Variants in WDR70 observed in about 807,000 individuals in gnomAD.
WDR70 encodes WD repeat-containing protein 70.
In WDR70, 53 loss-of-function variants were observed where a neutral mutation model predicts 88.6. The observed-to-expected ratio is 0.60, with a 90% CI of 0.48 to 0.75. The LOEUF is 0.75. Among genes scored for constraint, WDR70 ranks in the 30% least tolerant of loss-of-function variants. WDR70 has a pLI of 0.00. For missense variants in WDR70, 610 were observed against 823.2 expected (o/e 0.74, Z 3.17); for synonymous variants, 280 against 270.0 (o/e 1.04, Z -0.36).
intron 5 of WDR70, among the ~76,000 whole-genome samples, chr5:37,407,251 A>G (rs1310889492): frequency 6.6e-6 from 1 of 152,128 alleles, no homozygotes; most frequent in African/African-American, 2.4e-5. Flanking sequence ...AGGCCGGTGT[A>G]GTGTTTACAC....
intron 17 of WDR70, among the ~76,000 whole-genome samples, chr5:37,732,535 C>G (rs1249837666): frequency 2.0e-5 from 3 of 151,916 alleles, no homozygotes; most frequent in Non-Finnish European, 4.4e-5. Context: ...TTTATCTTTG[C>G]CAATCTGATA....
At position 37,448,843 on chromosome 5, in the gene WDR70, A is replaced by G. The variant is rs190436072; in HGVS notation, c.686+5471A>G. ...CAGTCTTTCATTGTTTTTCATGACCATGACAGTTTTGAGGGGTATTGGTCG... is the reference window on the plus strand; with the variant it reads ...CAGTCTTTCATTGTTTTTCATGACCGTGACAGTTTTGAGGGGTATTGGTCG... On this transcript the variant is annotated intron_variant, in intron 7 of 17. Transcript: ENST00000265107. Among the ~76,000 whole-genome samples, 172 of 152,234 alleles carry G rather than the reference A, an allele frequency of 1.1e-3. 1 individual carries two copies. Among genetic ancestry groups the G allele is most frequent in the African/African-American group, 4.0e-3 (166 of 41,538 alleles).
At chr5:37,422,835 C>T (rs1489957520) in intron 5 of WDR70, among the ~76,000 whole-genome samples, 1 of 151,952 alleles carries the variant, frequency 6.6e-6, no homozygotes, top group Non-Finnish European at 1.5e-5. Context: ...CCATGTTGCT[C>T]AGGCTGGTCT....
chr5:37,704,902 A>G (rs376212438), intron 13 of WDR70, among the ~76,000 whole-genome samples: 24 of 151,576 alleles, frequency 1.6e-4, no homozygotes, highest in African/African-American at 5.8e-4. Context: ...TTTTTAAAGC[A>G]GAGGAAGACA....
chr5:37,557,799 C>T (rs1436502102), intron 9 of WDR70, among the ~76,000 whole-genome samples: 1 of 98,372 alleles, frequency 1.0e-5, no homozygotes, highest in Non-Finnish European at 2.2e-5. Context: ...CTAATCCATA[C>T]ATCAGGTAAT....
intron 13 of WDR70, among the ~76,000 whole-genome samples, chr5:37,706,489 G>A (rs111822615): frequency 0.016 from 2,380 of 152,230 alleles, 47 homozygotes; most frequent in Non-Finnish European, 0.02. Flanking sequence ...CTGTTCTTGT[G>A]ATAGTGAATA....
At chr5:37,585,751 G>T (rs1297323004) in intron 9 of WDR70, among the ~76,000 whole-genome samples, 1 of 152,138 alleles carries the variant, frequency 6.6e-6, no homozygotes, top group Non-Finnish European at 1.5e-5. Flanking sequence ...TGGAGCGTCA[G>T]TCTAGGCTGA....
Position 37,457,841 on chromosome 5 carries a change from G to A in WDR70, c.686+14469G>A, listed in dbSNP as rs1044215213. ...AGAATGATTTTTACAGTTTTAAAGGGTTGTGAACTTCCAACACTATGTTGA... is the reference window on the plus strand; with the variant it reads ...AGAATGATTTTTACAGTTTTAAAGGATTGTGAACTTCCAACACTATGTTGA... On this transcript the variant is annotated intron_variant, in intron 7 of 17. Transcript: ENST00000265107. Among the ~76,000 whole-genome samples, 4 of 152,228 alleles carry A rather than the reference G, an allele frequency of 2.6e-5. No homozygotes were observed. The South Asian group carries it at 8.3e-4, about 32-fold the overall frequency.
Position 37,553,460 on chromosome 5 carries a change from C to T in WDR70, c.917+36870C>T, listed in dbSNP as rs560689029. 7.9e-5 allele frequency among the ~76,000 whole-genome samples: 12 copies of T among 152,210 alleles called. No homozygotes were observed. The South Asian group carries it at 2.5e-3, about 32-fold the overall frequency. Reference sequence around the variant, plus strand: ...AAACTGAATGTTAAGATTTTTTTGGCATCATGACCAACATTTTCTACAAAA... The same window carrying T: ...AAACTGAATGTTAAGATTTTTTTGGTATCATGACCAACATTTTCTACAAAA... On this transcript the variant is annotated intron_variant, in intron 9 of 17. Transcript: ENST00000265107.
chr5:37,556,735 A>G (rs138391688), intron 9 of WDR70, among the ~76,000 whole-genome samples: 5 of 152,356 alleles, frequency 3.3e-5, no homozygotes, highest in Non-Finnish European at 5.9e-5. Context: ...TGGGCTGGTC[A>G]GTCTTGGAGA....
At chr5:37,549,715 G>T (rs544869013) in intron 9 of WDR70, among the ~76,000 whole-genome samples, 1 of 152,292 alleles carries the variant, frequency 6.6e-6, no homozygotes, top group South Asian at 2.1e-4. Context: ...TTGTGTTCTA[G>T]ATTTTGAAGG....
At chr5:37,689,338 T>C (rs918148011) in intron 10 of WDR70, among the ~76,000 whole-genome samples, 2 of 152,222 alleles carry the variant, frequency 1.3e-5, no homozygotes, top group African/African-American at 4.8e-5. Flanking sequence ...GCAGTGGTTC[T>C]CCCAGCATGG....
chr5:37,449,590 C>CAAAAAAAAAAAAAAAAAAAA (rs376148041), intron 7 of WDR70, among the ~76,000 whole-genome samples: 1 of 85,730 alleles, frequency 1.2e-5, no homozygotes, highest in African/African-American at 4.3e-5. Flanking sequence ...AATTTTGTCT[C>CAAAAAAAAAAAAAAAAAAAA]AAAAAAAAAA....
intron 10 of WDR70, among the ~76,000 whole-genome samples, chr5:37,672,669 C>T (rs1251240452): frequency 6.6e-6 from 1 of 152,134 alleles, no homozygotes; most frequent in East Asian, 1.9e-4. Flanking sequence ...GCCTGTTCTC[C>T]TGCCACATTC....
intron 10 of WDR70, among the ~76,000 whole-genome samples, chr5:37,654,184 CTTTCA>C (rs1424183383): frequency 1.3e-5 from 2 of 152,132 alleles, no homozygotes; most frequent in Non-Finnish European, 2.9e-5. Context: ...TTTATTTCTG[CTTTCA>C]TTTCATTATT....
chr5:37,548,234 A>G (rs762165482), intron 9 of WDR70, among the ~76,000 whole-genome samples: 19 of 152,166 alleles, frequency 1.2e-4, no homozygotes, highest in Admixed American at 5.9e-4. Context: ...ACTGTTCTCC[A>G]TAGTGGTTTT....
At chr5:37,681,275 T>C (rs1746428559) in intron 10 of WDR70, among the ~76,000 whole-genome samples, 1 of 152,188 alleles carries the variant, frequency 6.6e-6, no homozygotes, top group African/African-American at 2.4e-5. Flanking sequence ...TGTATGTTGG[T>C]TTTGTATCCT....
intron 8 of WDR70, among the ~76,000 whole-genome samples, chr5:37,496,944 T>C (rs566245484): frequency 6.6e-6 from 1 of 152,242 alleles, no homozygotes; most frequent in South Asian, 2.1e-4. Context: ...TGTGGTGTAG[T>C]GTACAGGATT....
At chr5:37,558,452 G>A (rs894781275) in intron 9 of WDR70, among the ~76,000 whole-genome samples, 2 of 151,786 alleles carry the variant, frequency 1.3e-5, no homozygotes, top group African/African-American at 2.4e-5. Flanking sequence ...TCAGGTAGCT[G>A]GGACTATAGG....
Sources: gnomAD v4.1 joint callset for allele counts (sites outside exome capture counted in the v4.1 genomes callset) on GRCh38, gnomAD v4.1.1 for gene constraint, MANE v1.5 for transcripts, NCBI Gene and HGNC (gene_info 2026-07-23, HGNC 2026-07-21) for gene names.